Variants in GLCCI1 observed in about 807,000 individuals in gnomAD.
The protein encoded by GLCCI1 is glucocorticoid induced 1.
A neutral mutation model predicts 52.2 loss-of-function variants in GLCCI1; 24 were observed. The observed-to-expected ratio is 0.46, with a 90% CI of 0.33 to 0.65. GLCCI1 has a LOEUF of 0.65. Ranked by LOEUF, GLCCI1 falls within the 30% of genes least tolerant of loss-of-function variation. The pLI is 0.02. For synonymous variants in GLCCI1, 310 were observed against 276.5 expected (o/e 1.12, Z -1.20); for missense variants, 704 against 701.5 (o/e 1.00, Z -0.04).
At chr7:8,049,021 T>C (rs1038036724) in intron 3 of GLCCI1, among the ~76,000 whole-genome samples, 1 of 152,214 alleles carries the variant, frequency 6.6e-6, no homozygotes, top group African/African-American at 2.4e-5. Context: ...AAACAAAAAT[T>C]GAAAAAGATA....
chr7:8,079,549 A>G (rs1186659806), intron 6 of GLCCI1, among the ~76,000 whole-genome samples: 1 of 151,550 alleles, frequency 6.6e-6, no homozygotes, highest in East Asian at 1.9e-4. Context: ...TTTAATTGTC[A>G]TATCAGATTT....
intron 1 of GLCCI1, among the ~76,000 whole-genome samples, chr7:7,975,298 C>T (rs914806858): frequency 2.0e-5 from 3 of 152,182 alleles, no homozygotes; most frequent in African/African-American, 7.2e-5. Flanking sequence ...TACCTTTAAG[C>T]AGTGTTGTTT....
intron 2 of GLCCI1, among the ~76,000 whole-genome samples, chr7:8,008,454 G>A (rs945583199): frequency 1.3e-4 from 19 of 151,788 alleles, no homozygotes; most frequent in African/African-American, 4.1e-4. Flanking sequence ...CTGCCATCAC[G>A]TCCAGCTAAT....
At chr7:8,071,853 G>T (rs1161529641) in intron 6 of GLCCI1, among the ~76,000 whole-genome samples, 1 of 152,082 alleles carries the variant, frequency 6.6e-6, no homozygotes, top group Non-Finnish European at 1.5e-5. Flanking sequence ...CAAATTTACT[G>T]CTTGTCACCA....
intron 6 of GLCCI1, among the ~76,000 whole-genome samples, chr7:8,077,738 T>G (rs2127967264): frequency 1.3e-5 from 2 of 152,350 alleles, no homozygotes; most frequent in Middle Eastern, 3.4e-3. Flanking sequence ...GTAACCTAGC[T>G]AATTTCCATG....
At chr7:7,977,490 G>T (rs1277676382) in intron 1 of GLCCI1, among the ~76,000 whole-genome samples, 1 of 152,168 alleles carries the variant, frequency 6.6e-6, no homozygotes, top group African/African-American at 2.4e-5. Context: ...TTTTCCAAAT[G>T]GTTCCATAGA....
intron 4 of GLCCI1, among the ~76,000 whole-genome samples, chr7:8,056,889 T>C (rs990695802): frequency 6.6e-6 from 1 of 152,232 alleles, no homozygotes; most frequent in Admixed American, 6.5e-5. Flanking sequence ...TAATTATTGA[T>C]ATTATTTGCT....
At chr7:8,019,392 G>C (rs553709216) in intron 2 of GLCCI1, among the ~76,000 whole-genome samples, 85 of 152,212 alleles carry the variant, frequency 5.6e-4, no homozygotes, top group Non-Finnish European at 1.1e-3. Flanking sequence ...TTGTAGATGA[G>C]AATTTTTTTA....
At chr7:8,047,319 C>T (rs1782153376) in intron 3 of GLCCI1, among the ~76,000 whole-genome samples, 1 of 152,128 alleles carries the variant, frequency 6.6e-6, no homozygotes, top group Admixed American at 6.5e-5. Context: ...AATTTCTAAA[C>T]AATTGTACGC....
chr7:7,976,479 C>CAAAAAAAAAAAAAAAAAAAAAA (rs35255634), intron 1 of GLCCI1, among the ~76,000 whole-genome samples: 13 of 24,670 alleles, frequency 5.3e-4, no homozygotes, highest in African/African-American at 1.6e-3. Flanking sequence ...AACTCCATCT[C>CAAAAAAAAAAAAAAAAAAAAAA]AAAAAAAAAA....
intron 6 of GLCCI1, among the ~76,000 whole-genome samples, chr7:8,081,367 CTTAAT>C (rs1782990486): frequency 6.6e-6 from 1 of 152,112 alleles, no homozygotes; most frequent in Admixed American, 6.5e-5. Flanking sequence ...ATCAATTTTA[CTTAAT>C]TTAATAAAGT....
chr7:8,032,086 T>G (rs964968169), intron 3 of GLCCI1, among the ~76,000 whole-genome samples: 2 of 152,000 alleles, frequency 1.3e-5, no homozygotes, highest in African/African-American at 2.4e-5. Context: ...TTGACCTAAC[T>G]GACATGCATA....
chr7:8,022,892 A>C (rs1262944638), intron 3 of GLCCI1, among the ~76,000 whole-genome samples: 1 of 152,188 alleles, frequency 6.6e-6, no homozygotes, highest in African/African-American at 2.4e-5. Context: ...ATTTTATGTA[A>C]TACTCTCTAT....
At chr7:8,011,808 G>T (rs546013129) in intron 2 of GLCCI1, among the ~76,000 whole-genome samples, 16 of 149,970 alleles carry the variant, frequency 1.1e-4, no homozygotes, top group African/African-American at 4.0e-4. Context: ...TGTTGTTGTT[G>T]TTTTTTGTTT....
intron 6 of GLCCI1, among the ~76,000 whole-genome samples, chr7:8,076,967 G>T (rs540889181): frequency 1.3e-5 from 2 of 152,234 alleles, no homozygotes; most frequent in South Asian, 4.1e-4. Context: ...TATGAAGAGT[G>T]TGTGATACTC....
In GLCCI1 at chr7:8,028,645, C is replaced by T. The variant is rs575617588; in HGVS notation, c.696+6076C>T. Reference sequence around the variant, plus strand: ...AAATAAAATGGATTTGAAATGAAGACAACACTACAAAAGATGACTGAAATT... The same window carrying T: ...AAATAAAATGGATTTGAAATGAAGATAACACTACAAAAGATGACTGAAATT... On this transcript the variant is annotated intron_variant, in intron 3 of 7. Coordinates refer to ENST00000223145, the MANE Select transcript of GLCCI1 (RefSeq NM_138426.4). Among the ~76,000 whole-genome samples, 3 of 151,218 alleles carry T rather than the reference C, an allele frequency of 2.0e-5. No homozygotes were observed. In the East Asian group the frequency reaches 5.8e-4, roughly 29 times the overall value.
intron 5 of GLCCI1, among the ~76,000 whole-genome samples, chr7:8,062,143 T>C (rs1009766574): frequency 6.6e-6 from 1 of 152,208 alleles, no homozygotes; most frequent in African/African-American, 2.4e-5. Flanking sequence ...ACCTCTGCTT[T>C]TAATAAGCCA....
In GLCCI1 at chr7:8,060,091, C is replaced by T. The variant is rs535971625; in HGVS notation, c.814-5C>T. 1.2e-6 allele frequency: 2 copies of T among 1,608,362 alleles called. No individual in the cohort carries two copies. Among genetic ancestry groups the T allele is most frequent in the African/African-American group, 2.7e-5 (2 of 74,714 alleles). On this transcript the variant is annotated splice_polypyrimidine_tract_variant and splice_region_variant and intron_variant, in intron 4 of 7. Transcript: ENST00000223145. ...ATTTGATACCACCTTTATCTTATCT[C>T]ATAGGCTACTGGATCAAGGTCAGTT...
intron 1 of GLCCI1, among the ~76,000 whole-genome samples, chr7:7,972,478 A>G (rs1780373153): frequency 6.6e-6 from 1 of 152,254 alleles, no homozygotes; most frequent in Non-Finnish European, 1.5e-5. Flanking sequence ...CATTTCGACT[A>G]AAGGTGACAT....
Sources: allele counts gnomAD v4.1 joint callset (sites outside exome capture counted in the v4.1 genomes callset), GRCh38; gene constraint gnomAD v4.1.1; transcripts MANE v1.5; gene names NCBI Gene and HGNC (gene_info 2026-07-23, HGNC 2026-07-21).